FHIT: variants seen among roughly 807,000 people sequenced by gnomAD.
FHIT encodes the protein fragile histidine triad diadenosine triphosphatase.
In FHIT, 19 loss-of-function variants were observed where a neutral mutation model predicts 17.9. The observed-to-expected ratio is 1.06, with a 90% CI of 0.74 to 1.56. FHIT has a LOEUF of 1.56. FHIT is among the 40% of genes most tolerant of loss of function. FHIT has a pLI of 0.00. For missense variants in FHIT, 248 were observed against 189.2 expected, an observed-to-expected ratio of 1.31 and a Z score of -1.82; for synonymous variants, 81 against 69.7, an observed-to-expected ratio of 1.16 and a Z score of -0.81.
chr3:60,860,738 G>T (rs1703735302), intron 3 of FHIT, among the ~76,000 whole-genome samples: 1 of 83,204 alleles, frequency 1.2e-5, no homozygotes, highest in African/African-American at 4.3e-5. Flanking sequence ...ATGTACATAT[G>T]TTCATATATA....
chr3:60,206,874 T>G, intron 5 of FHIT, among the ~76,000 whole-genome samples: 1 of 152,160 alleles, frequency 6.6e-6, no homozygotes. Flanking sequence ...TTCGCTCCAG[T>G]TGCAATTACT....
chr3:59,974,184 C>T (rs1411324276), intron 7 of FHIT, among the ~76,000 whole-genome samples: 4 of 152,046 alleles, frequency 2.6e-5, no homozygotes, highest in South Asian at 4.2e-4. Context: ...GTCTATTAGG[C>T]CAAGTTGTAC....
chr3:60,044,137 A>G (rs932968175), intron 5 of FHIT, among the ~76,000 whole-genome samples: 8 of 152,198 alleles, frequency 5.3e-5, no homozygotes, highest in Non-Finnish European at 1.0e-4. Flanking sequence ...GTGGCTTTGC[A>G]GCTCAGAGGA....
chr3:61,111,957 T>C (rs2036171008), intron 2 of FHIT, among the ~76,000 whole-genome samples: 1 of 152,200 alleles, frequency 6.6e-6, no homozygotes, highest in African/African-American at 2.4e-5. Flanking sequence ...CCAGCCTCTA[T>C]GCGTGGTGCT....
intron 3 of FHIT, among the ~76,000 whole-genome samples, chr3:61,004,998 G>A (rs2031345961): frequency 6.6e-6 from 1 of 152,142 alleles, no homozygotes; most frequent in Admixed American, 6.6e-5. Context: ...CTCCCCACAT[G>A]AGAGGTACAG....
chr3:60,890,639 C>G (rs1222789884), intron 3 of FHIT, among the ~76,000 whole-genome samples: 1 of 152,168 alleles, frequency 6.6e-6, no homozygotes, highest in Non-Finnish European at 1.5e-5. Flanking sequence ...TCTTATATGA[C>G]TAGAATGTGT....
chr3:60,205,485 T>A (rs1044731130), intron 5 of FHIT, among the ~76,000 whole-genome samples: 15 of 152,310 alleles, frequency 9.8e-5, no homozygotes, highest in Non-Finnish European at 1.5e-5. Flanking sequence ...AGGTTGTTCA[T>A]CACCAGAAAT....
chr3:60,861,678 A>G (rs1346819445), intron 3 of FHIT, among the ~76,000 whole-genome samples: 1 of 152,136 alleles, frequency 6.6e-6, no homozygotes, highest in Non-Finnish European at 1.5e-5. Flanking sequence ...AAAGAGGTCC[A>G]GCCCAGTTTT....
chr3:60,862,320 C>T (rs1349299875), intron 3 of FHIT, among the ~76,000 whole-genome samples: 1 of 152,028 alleles, frequency 6.6e-6, no homozygotes, highest in African/African-American at 2.4e-5. Flanking sequence ...TTTGCACCAC[C>T]ATGCCCAGCT....
chr3:59,968,874 C>T (rs911196159), intron 7 of FHIT, among the ~76,000 whole-genome samples: 1 of 152,156 alleles, frequency 6.6e-6, no homozygotes, highest in African/African-American at 2.4e-5. Context: ...TTTCTGGGAG[C>T]CTTTCAGATG....
chr3:60,983,565 G>A (rs1381566476), intron 3 of FHIT, among the ~76,000 whole-genome samples: 1 of 152,160 alleles, frequency 6.6e-6, no homozygotes, highest in African/African-American at 2.4e-5. Flanking sequence ...TTGAGAGAAT[G>A]GGAGCAGTCA....
intron 4 of FHIT, among the ~76,000 whole-genome samples, chr3:60,558,531 G>A (rs1403467923): frequency 1.3e-5 from 2 of 151,884 alleles, no homozygotes; most frequent in Admixed American, 6.6e-5. Context: ...TGGAGTTCTA[G>A]GATGGCATTA....
intron 1 of FHIT, among the ~76,000 whole-genome samples, chr3:61,224,060 G>T (rs1263033285): frequency 6.6e-6 from 1 of 152,130 alleles, no homozygotes; most frequent in East Asian, 1.9e-4. Context: ...CAAAAACGTG[G>T]ATGTCAAGGA....
chr3:60,339,926 G>C (rs1710433576), intron 5 of FHIT, among the ~76,000 whole-genome samples: 2 of 152,070 alleles, frequency 1.3e-5, no homozygotes, highest in South Asian at 4.1e-4. Flanking sequence ...TTCCAAAAGA[G>C]GAGATTCTGA....
chr3:60,377,239 C>T (rs1453907326), intron 5 of FHIT, among the ~76,000 whole-genome samples: 3 of 150,182 alleles, frequency 2.0e-5, no homozygotes, highest in African/African-American at 7.4e-5. Flanking sequence ...TTTGCTCTGT[C>T]CCAGGCCGGA....
intron 5 of FHIT, among the ~76,000 whole-genome samples, chr3:60,216,679 T>C (rs1418863255): frequency 6.6e-6 from 1 of 152,184 alleles, no homozygotes; most frequent in Non-Finnish European, 1.5e-5. Context: ...GCTGGTTGGA[T>C]AGATAATCCA....
intron 2 of FHIT, among the ~76,000 whole-genome samples, chr3:61,060,361 G>A (rs913726697): frequency 1.2e-4 from 18 of 152,120 alleles, no homozygotes; most frequent in Admixed American, 5.9e-4. Flanking sequence ...CATTAAGTAA[G>A]GACTTACTGT....
At chr3:60,915,944 T>C (rs1310979415) in intron 3 of FHIT, among the ~76,000 whole-genome samples, 1 of 152,164 alleles carries the variant, frequency 6.6e-6, no homozygotes, top group Non-Finnish European at 1.5e-5. Flanking sequence ...ACTCATGCTG[T>C]TAATGATCTC....
At chr3:60,817,628 A>G (rs558899275) in intron 4 of FHIT, among the ~76,000 whole-genome samples, 1 of 152,158 alleles carries the variant, frequency 6.6e-6, no homozygotes, top group Non-Finnish European at 1.5e-5. Flanking sequence ...TTGTTCCACC[A>G]AAGATACCGT....
Sources: gnomAD v4.1 joint callset for allele counts (sites outside exome capture counted in the v4.1 genomes callset) on GRCh38, gnomAD v4.1.1 for gene constraint, MANE v1.5 for transcripts, NCBI Gene and HGNC (gene_info 2026-07-23, HGNC 2026-07-21) for gene names.